The following SOX5 variants were observed in gnomAD, a reference collection of about 807,000 sequenced individuals.
SOX5 encodes the protein transcription factor SOX-5.
A neutral mutation model predicts 92.0 loss-of-function variants in SOX5; 9 were observed. The ratio of observed to expected loss-of-function variants is 0.10; its 90% CI spans 0.06 to 0.17. SOX5 has a LOEUF of 0.17. SOX5 is among the 10% of genes least tolerant of loss of function. The pLI, the probability that SOX5 is intolerant of heterozygous loss-of-function variation, is 1.00. For synonymous variants in SOX5, 344 were observed against 336.3 expected (o/e 1.02, Z -0.25); for missense variants, 642 against 944.5 (o/e 0.68, Z 4.20).
intron 1 of SOX5, among the ~76,000 whole-genome samples, chr12:24,554,060 G>A (rs1302696737): frequency 3.9e-5 from 6 of 152,186 alleles, no homozygotes; most frequent in African/African-American, 1.2e-4. Context: ...ACATTGATGA[G>A]ACTGATTCTG....
chr12:24,478,204 T>C (rs1302353670), intron 1 of SOX5, among the ~76,000 whole-genome samples: 2 of 152,240 alleles, frequency 1.3e-5, no homozygotes, highest in Admixed American at 6.5e-5. Context: ...ATTTGACTTA[T>C]CATAAAACGT....
At chr12:24,242,864 T>G (rs1937731412) in intron 3 of SOX5, among the ~76,000 whole-genome samples, 2 of 152,162 alleles carry the variant, frequency 1.3e-5, no homozygotes, top group Admixed American at 6.5e-5. Context: ...TTCTAGTAAT[T>G]TATCTTATAT....
intron 4 of SOX5, among the ~76,000 whole-genome samples, chr12:24,210,475 A>G (rs754076676): frequency 6.6e-6 from 1 of 152,248 alleles, no homozygotes; most frequent in Non-Finnish European, 1.5e-5. Flanking sequence ...TAAAAGAGTT[A>G]CATAATTTTC....
chr12:24,057,616 T>G (rs998239024), intron 4 of SOX5, among the ~76,000 whole-genome samples: 6 of 152,210 alleles, frequency 3.9e-5, no homozygotes, highest in African/African-American at 1.4e-4. Flanking sequence ...CAAAAATAAG[T>G]GGCATCCAAA....
intron 4 of SOX5, among the ~76,000 whole-genome samples, chr12:24,161,460 A>G (rs753083895): frequency 6.6e-6 from 1 of 152,094 alleles, no homozygotes; most frequent in Non-Finnish European, 1.5e-5. Flanking sequence ...ATTAGAGCAG[A>G]GAGTATAAGC....
intron 11 of SOX5, among the ~76,000 whole-genome samples, chr12:23,561,593 C>A (rs1046973593): frequency 2.6e-5 from 4 of 152,168 alleles, no homozygotes; most frequent in African/African-American, 9.7e-5. Flanking sequence ...CAGCACGCTG[C>A]TTAGGGGCCT....
intron 3 of SOX5, among the ~76,000 whole-genome samples, chr12:24,250,242 A>G (rs532369679): frequency 3.6e-4 from 55 of 152,350 alleles, no homozygotes; most frequent in African/African-American, 1.3e-3. Context: ...ATATAAATTC[A>G]AGAAGCATAA....
intron 4 of SOX5, among the ~76,000 whole-genome samples, chr12:24,207,449 A>G (rs963165291): frequency 1.3e-5 from 2 of 152,194 alleles, no homozygotes; most frequent in African/African-American, 2.4e-5. Context: ...AAGACTCAGT[A>G]AGAATATATG....
intron 4 of SOX5, among the ~76,000 whole-genome samples, chr12:24,055,460 T>A (rs1356230714): frequency 6.6e-6 from 1 of 152,236 alleles, no homozygotes; most frequent in Non-Finnish European, 1.5e-5. Context: ...CACAGCTCCC[T>A]CTTTGTCACA....
intron 1 of SOX5, among the ~76,000 whole-genome samples, chr12:24,372,212 G>A (rs1433313732): frequency 6.6e-6 from 1 of 152,078 alleles, no homozygotes; most frequent in African/African-American, 2.4e-5. Context: ...TTATACACGT[G>A]CCATGTTGGT....
At chr12:23,955,149 T>TTTTA (rs1158207555), upstream of SOX5, among the ~76,000 whole-genome samples, 2 of 152,100 alleles carry the variant, frequency 1.3e-5, no homozygotes, top group Non-Finnish European at 2.9e-5. Context: ...AGGCAATGAA[T>TTTTA]TTTAGTTCAT....
intron 4 of SOX5, among the ~76,000 whole-genome samples, chr12:24,207,934 C>A (rs1159273938): frequency 2.6e-5 from 4 of 152,282 alleles, no homozygotes; most frequent in Admixed American, 2.6e-4. Context: ...TATAAAGACT[C>A]TCAAAACAAT....
At chr12:24,139,835 C>A (rs562896556) in intron 4 of SOX5, among the ~76,000 whole-genome samples, 33 of 152,220 alleles carry the variant, frequency 2.2e-4, no homozygotes, top group African/African-American at 7.5e-4. Flanking sequence ...TACTGGCAAG[C>A]CCTGTGGAGC....
chr12:24,025,449 C>T (rs947730641), intron 4 of SOX5, among the ~76,000 whole-genome samples: 3 of 152,100 alleles, frequency 2.0e-5, no homozygotes, highest in Non-Finnish European at 4.4e-5. Flanking sequence ...CTTGCTTAAA[C>T]ATCTCCATTT....
intron 3 of SOX5, among the ~76,000 whole-genome samples, chr12:23,778,447 G>A (rs1392837369): frequency 6.6e-6 from 1 of 152,238 alleles, no homozygotes; most frequent in African/African-American, 2.4e-5. Flanking sequence ...AAGGAAAAAG[G>A]CATGAGAGAG....
chr12:23,812,177 T>C (rs2095886923), intron 3 of SOX5, among the ~76,000 whole-genome samples: 1 of 152,102 alleles, frequency 6.6e-6, no homozygotes, highest in Non-Finnish European at 1.5e-5. Flanking sequence ...TTCTGGTAGT[T>C]TCTACAACTA....
chr12:24,030,493 T>C (rs1371845079), intron 4 of SOX5, among the ~76,000 whole-genome samples: 1 of 151,948 alleles, frequency 6.6e-6, no homozygotes, highest in Non-Finnish European at 1.5e-5. Flanking sequence ...CATATCCATA[T>C]GCAAAAGAAG....
At position 23,711,865 on chromosome 12, in the gene SOX5, C is replaced by T. The variant is rs556965178; in HGVS notation, c.810+22819G>A. 1.3e-4 allele frequency among the ~76,000 whole-genome samples: 20 copies of T among 152,252 alleles called. No homozygotes were observed. The South Asian group carries it at 4.1e-3, about 32-fold the overall frequency. On this transcript the variant is annotated intron_variant, in intron 6 of 14. Transcript: ENST00000451604. ...AATCATGATCATCACCACAAAGATG[C>T]TATTAATATTTTCTTTTTAACCACC...
At chr12:24,429,611 T>TAA (rs1937859453) in intron 1 of SOX5, among the ~76,000 whole-genome samples, 1 of 146,906 alleles carries the variant, frequency 6.8e-6, no homozygotes, top group Non-Finnish European at 1.5e-5. Context: ...GAAACACACA[T>TAA]ACACACACAC....
Sources: gnomAD v4.1 joint callset for allele counts (sites outside exome capture counted in the v4.1 genomes callset) on GRCh38, gnomAD v4.1.1 for gene constraint, MANE v1.5 for transcripts, NCBI Gene and HGNC (gene_info 2026-07-23, HGNC 2026-07-21) for gene names.